The following KCNC2 variants were observed in gnomAD, a reference collection of about 807,000 sequenced individuals.
KCNC2 encodes potassium voltage-gated channel subfamily C member 2.
A neutral mutation model predicts 44.5 loss-of-function variants in KCNC2; 21 were observed. That is an observed-to-expected ratio of 0.47 (90% confidence interval 0.33 to 0.68). The LOEUF (loss-of-function observed/expected upper bound fraction) is 0.68. Among genes scored for constraint, KCNC2 ranks in the 30% least tolerant of loss-of-function variants. The pLI is 0.01. For missense variants in KCNC2, 589 were observed against 826.2 expected, an observed-to-expected ratio of 0.71 and a Z score of 3.52; for synonymous variants, 391 against 339.1, an observed-to-expected ratio of 1.15 and a Z score of -1.68.
chr12:75,041,088 C>A lies in KCNC2; in HGVS notation c.*2017G>T. On this transcript the variant is annotated 3_prime_UTR_variant, in exon 5 of 5. Transcript: ENST00000549446. The stretch of plus-strand genomic sequence containing the variant: ...CGCGAGGATCTCTTCCAAGTGCAAC[C>A]TGGTCACATCAGGGCACATTCAGCA... The A allele has an allele frequency of 6.3e-7, 1 of 1,594,744 alleles. No individual in the cohort carries two copies.
rs192351962 is a variant in KCNC2, at chr12:75,045,973, T to C, written c.1780+2180A>G. ...AAGGATTATATAGAAAATAAATGAA[T>C]AGAAATAACAGCAGAAATCTATAAC... On this transcript the variant is annotated intron_variant, in intron 4 of 4. Coordinates refer to ENST00000549446, the MANE Select transcript of KCNC2 (RefSeq NM_139137.4). Among the ~76,000 whole-genome samples, 330 of 151,622 alleles carry C rather than the reference T, an allele frequency of 2.2e-3. 1 individual carries two copies. The highest frequency in any genetic ancestry group is 4.8e-3 in the South Asian group (23 of 4,820).
At position 75,181,152 on chromosome 12, in the gene KCNC2, A is replaced by G. The variant is rs553287194; in HGVS notation, c.687+26145T>C. On this transcript the variant is annotated intron_variant, in intron 2 of 4. Coordinates refer to ENST00000549446, the MANE Select transcript of KCNC2 (RefSeq NM_139137.4). The stretch of plus-strand genomic sequence containing the variant: ...CATGGAAATGGAAGAAAAAAACTAA[A>G]AGATCAATTCATTTAAAATGCAACT... 5.9e-5 allele frequency among the ~76,000 whole-genome samples: 9 copies of G among 152,308 alleles called. No homozygotes were observed. The East Asian group carries it at 1.2e-3, about 20-fold the overall frequency.
intron 2 of KCNC2, among the ~76,000 whole-genome samples, chr12:75,145,811 G>A (rs988452119): frequency 6.6e-6 from 1 of 152,012 alleles, no homozygotes; most frequent in African/African-American, 2.4e-5. Flanking sequence ...ATAGAATATG[G>A]TAAAATGAAC....
chr12:75,106,220 T>G (rs1886770104), intron 2 of KCNC2, among the ~76,000 whole-genome samples: 1 of 152,162 alleles, frequency 6.6e-6, no homozygotes, highest in Non-Finnish European at 1.5e-5. Context: ...TGGGTGAACT[T>G]GAAAAGAGCA....
chr12:75,093,373 C>T (rs1416814625), intron 2 of KCNC2, among the ~76,000 whole-genome samples: 1 of 151,440 alleles, frequency 6.6e-6, no homozygotes, highest in African/African-American at 2.4e-5. Flanking sequence ...CCTCATGTGG[C>T]TATGGAAAGG....
At chr12:75,105,816 A>G (rs1181576687) in intron 2 of KCNC2, among the ~76,000 whole-genome samples, 1 of 152,228 alleles carries the variant, frequency 6.6e-6, no homozygotes, top group African/African-American at 2.4e-5. Context: ...AATGGTAGCT[A>G]TAAGGTAACT....
chr12:75,142,170 G>A (rs1889701440), intron 2 of KCNC2, among the ~76,000 whole-genome samples: 1 of 152,166 alleles, frequency 6.6e-6, no homozygotes, highest in African/African-American at 2.4e-5. Context: ...GAAAATTAAA[G>A]CAGAGAAAGA....
intron 2 of KCNC2, among the ~76,000 whole-genome samples, chr12:75,077,380 A>G (rs1225953010): frequency 6.6e-6 from 1 of 152,194 alleles, no homozygotes; most frequent in African/African-American, 2.4e-5. Context: ...TCATACAATA[A>G]TTACGTTCCA....
At chr12:75,056,121 C>A (rs1387806658) in intron 2 of KCNC2, among the ~76,000 whole-genome samples, 1 of 151,958 alleles carries the variant, frequency 6.6e-6, no homozygotes, top group Non-Finnish European at 1.5e-5. Context: ...TCCCCAGGAC[C>A]ATGACTTAAA....
intron 2 of KCNC2, among the ~76,000 whole-genome samples, chr12:75,196,662 G>C (rs1440574171): frequency 6.6e-6 from 1 of 152,056 alleles, no homozygotes; most frequent in Non-Finnish European, 1.5e-5. Context: ...CAAGCAAGTT[G>C]TTGAGTCAGA....
intron 2 of KCNC2, among the ~76,000 whole-genome samples, chr12:75,150,816 AT>A (rs1012019258): frequency 2.0e-5 from 3 of 151,952 alleles, no homozygotes; most frequent in African/African-American, 7.2e-5. Context: ...TCATAACTAG[AT>A]TTTTCTTTAT....
chr12:75,191,895 G>T (rs1229424210), intron 2 of KCNC2, among the ~76,000 whole-genome samples: 1 of 151,802 alleles, frequency 6.6e-6, no homozygotes, highest in Non-Finnish European at 1.5e-5. Flanking sequence ...ATCTTACAAT[G>T]GTTTTTCCTA....
In KCNC2 at chr12:75,069,129, C is replaced by CTTTTTTTTTTTTTTTTTTTTT. The variant is rs1158151551; in HGVS notation, c.688-17833_688-17813dup. ...AAAAACAGTTTCAATTTTATATAAT[C>CTTTTTTTTTTTTTTTTTTTTT]TTTTTTTTTTTTTTTTTTTTTTGAG... On this transcript the variant is annotated intron_variant, in intron 2 of 4. Coordinates refer to ENST00000549446, the MANE Select transcript of KCNC2 (RefSeq NM_139137.4). Among the ~76,000 whole-genome samples, 4 of 63,648 alleles carry CTTTTTTTTTTTTTTTTTTTTT rather than the reference C, an allele frequency of 6.3e-5. 2 individuals carry two copies. Among genetic ancestry groups the CTTTTTTTTTTTTTTTTTTTTT allele is most frequent in the Non-Finnish European group, 5.5e-5 (2 of 36,252 alleles). The allele number at this position is 63,648 out of a possible 152,430, so 41.8% of individuals were successfully genotyped here. A position where few individuals can be genotyped will look rare whatever the true frequency, so the allele number is the denominator to read the frequency against.
chr12:75,116,070 T>C (rs1887639149), intron 2 of KCNC2, among the ~76,000 whole-genome samples: 2 of 152,142 alleles, frequency 1.3e-5, no homozygotes, highest in East Asian at 3.9e-4. Flanking sequence ...AAGTGATAGG[T>C]TTTCAGCATA....
chr12:75,044,409 C>T (rs898428555), intron 4 of KCNC2: 1 of 151,880 alleles, frequency 6.6e-6, no homozygotes, highest in Non-Finnish European at 1.5e-5. Flanking sequence ...CTAATCAGAC[C>T]TCAGTGTACT....
At chr12:75,141,067 G>A (rs1190409743) in intron 2 of KCNC2, among the ~76,000 whole-genome samples, 2 of 152,160 alleles carry the variant, frequency 1.3e-5, no homozygotes, top group African/African-American at 2.4e-5. Context: ...CAAACTGAAT[G>A]AAAACTGGTT....
chr12:75,155,134 C>T (rs538753772), intron 2 of KCNC2, among the ~76,000 whole-genome samples: 41 of 150,860 alleles, frequency 2.7e-4, no homozygotes, highest in Non-Finnish European at 3.8e-4. Flanking sequence ...GAAAAAAAAA[C>T]GCCCCTCTTT....
chr12:75,125,743 C>T (rs1888373856), intron 2 of KCNC2, among the ~76,000 whole-genome samples: 1 of 152,120 alleles, frequency 6.6e-6, no homozygotes, highest in African/African-American at 2.4e-5. Flanking sequence ...AATTTACGTG[C>T]CAAACTCACC....
chr12:75,142,587 T>C (rs1449186493), intron 2 of KCNC2, among the ~76,000 whole-genome samples: 2 of 152,222 alleles, frequency 1.3e-5, no homozygotes, highest in African/African-American at 4.8e-5. Flanking sequence ...TTCTGCTCCA[T>C]GTGGCATTAG....
Sources: allele counts gnomAD v4.1 joint callset (sites outside exome capture counted in the v4.1 genomes callset), GRCh38; gene constraint gnomAD v4.1.1; transcripts MANE v1.5; gene names NCBI Gene and HGNC (gene_info 2026-07-23, HGNC 2026-07-21).